ABHD3: variants seen among roughly 807,000 people sequenced by gnomAD.
The protein encoded by ABHD3 is abhydrolase domain containing 3, phospholipase.
Under a neutral mutation model 48.8 loss-of-function variants are expected in ABHD3, and 46 were observed. The ratio of observed to expected loss-of-function variants is 0.94; its 90% CI spans 0.74 to 1.20. ABHD3 has a LOEUF of 1.20. Among genes scored for constraint, ABHD3 ranks in the 50% most tolerant of loss-of-function variants. ABHD3 has a pLI of 0.00. For synonymous variants in ABHD3, 192 were observed against 183.7 expected, an observed-to-expected ratio of 1.04 and a Z score of -0.36; for missense variants, 490 against 497.8, an observed-to-expected ratio of 0.98 and a Z score of 0.15.
At chr18:21,655,973 A>G (rs1408653699) in intron 8 of ABHD3, among the ~76,000 whole-genome samples, 1 of 150,612 alleles carries the variant, frequency 6.6e-6, no homozygotes, top group Non-Finnish European at 1.5e-5. Context: ...CCTGGCCAAT[A>G]TGGTGAAACC....
At chr18:21,701,314 A>C in intron 3 of ABHD3, 1 of 151,856 alleles carries the variant, frequency 6.6e-6, no homozygotes, top group East Asian at 1.9e-4. Flanking sequence ...CCCGGGCTCA[A>C]CTGATCGTCC....
chr18:21,670,783 G>A (rs2039739758), intron 4 of ABHD3, among the ~76,000 whole-genome samples: 1 of 152,164 alleles, frequency 6.6e-6, no homozygotes, highest in Non-Finnish European at 1.5e-5. Flanking sequence ...GGGAGGCTGA[G>A]GAGGGTGGAT....
intron 2 of ABHD3, among the ~76,000 whole-genome samples, chr18:21,703,224 C>CG (rs1426055932): frequency 7.7e-6 from 1 of 129,442 alleles, no homozygotes; most frequent in Non-Finnish European, 1.7e-5. Context: ...CCCCACCCCC[C>CG]CCCCCAGTAT....
At chr18:21,664,744 C>T (rs939287005) in intron 4 of ABHD3, among the ~76,000 whole-genome samples, 1 of 151,866 alleles carries the variant, frequency 6.6e-6, no homozygotes, top group Non-Finnish European at 1.5e-5. Context: ...AATCCTCTGA[C>T]CTTAAACTCC....
chr18:21,692,423 G>T (rs1392215189), intron 3 of ABHD3, among the ~76,000 whole-genome samples: 1 of 152,214 alleles, frequency 6.6e-6, no homozygotes, highest in Non-Finnish European at 1.5e-5. Context: ...GGCCTATCAT[G>T]TGGCAGGCAC....
intron 3 of ABHD3, among the ~76,000 whole-genome samples, chr18:21,697,781 T>G (rs1253652119): frequency 2.0e-5 from 3 of 152,208 alleles, no homozygotes; most frequent in Non-Finnish European, 2.9e-5. Context: ...GAATTTTGAA[T>G]TAGTGCACCT....
chr18:21,666,037 A>G (rs2039617333), intron 4 of ABHD3, among the ~76,000 whole-genome samples: 1 of 150,976 alleles, frequency 6.6e-6, no homozygotes. Context: ...TTTTTATTTT[A>G]TTTATTTTTT....
At chr18:21,654,404 T>C (rs2039298588) in intron 8 of ABHD3, among the ~76,000 whole-genome samples, 1 of 152,080 alleles carries the variant, frequency 6.6e-6, no homozygotes, top group Non-Finnish European at 1.5e-5. Flanking sequence ...TAGACAGTGC[T>C]CTAAATTTGA....
intron 4 of ABHD3, among the ~76,000 whole-genome samples, chr18:21,670,540 T>C (rs1009839810): frequency 1.6e-4 from 25 of 152,196 alleles, no homozygotes; most frequent in Non-Finnish European, 2.8e-4. Context: ...CTTTCCACAA[T>C]ATGACGCCGA....
At chr18:21,652,730 ACAC>A (rs2039253540) in intron 8 of ABHD3, among the ~76,000 whole-genome samples, 1 of 149,818 alleles carries the variant, frequency 6.7e-6, no homozygotes, top group South Asian at 2.1e-4. Context: ...AGCCGAGATC[ACAC>A]CTTTGTACTC....
At position 21,702,352 on chromosome 18, in the gene ABHD3, A is replaced by C; in HGVS notation, c.473T>G (p.Leu158Arg). ...LTGTSKESYILHMIHLSEELG... is the reference protein window; with the variant it reads ...LTGTSKESYIRHMIHLSEELG... The stretch of plus-strand genomic sequence containing the variant: ...TTCTTCACTAAGATGGATCATATGA[A>C]GGATATATGACTCCTTGCTTGTTCC... The change falls in exon 3 of 9, where the codon CTT becomes CGT. Residue 158 changes from leucine to arginine, a missense_variant. Transcript: ENST00000289119. 6.2e-7 allele frequency: 1 copy of C among 1,607,898 alleles called. No individual in the cohort carries two copies. The highest frequency in any genetic ancestry group is 8.5e-7 in the Non-Finnish European group (1 of 1,177,394).
chr18:21,694,602 A>G (rs2040326619), intron 3 of ABHD3, among the ~76,000 whole-genome samples: 1 of 152,208 alleles, frequency 6.6e-6, no homozygotes, highest in Admixed American at 6.5e-5. Context: ...ACAGTAAGAA[A>G]TGTCTTAAAA....
At chr18:21,658,068 G>C (rs1849407953) in intron 6 of ABHD3, among the ~76,000 whole-genome samples, 1 of 151,774 alleles carries the variant, frequency 6.6e-6, no homozygotes, top group African/African-American at 2.4e-5. Flanking sequence ...GTGGTGGTAT[G>C]TGCCTGTAGT....
Position 21,657,139 on chromosome 18 carries a change from A to ACATATGTC in ABHD3, c.848_855dup (p.Phe286AspfsTer5). The ACATATGTC allele has an allele frequency of 1.9e-6, 3 of 1,609,570 alleles. No individual in the cohort carries two copies. Among genetic ancestry groups the ACATATGTC allele is most frequent in the Non-Finnish European group, 2.5e-6 (3 of 1,177,656 alleles). On this transcript the variant is annotated frameshift_variant, in exon 7 of 9. Coordinates refer to ENST00000289119, the MANE Select transcript of ABHD3 (RefSeq NM_138340.5). LOFTEE classifies it high-confidence loss of function. ...TGATCCATATCAACTTGTTTTACAAACATATGTCGGTGCCTGGAACAAAAG... is the reference window on the plus strand; with the variant it reads ...TGATCCATATCAACTTGTTTTACAAACATATGTCCATATGTCGGTGCCTGGAACAAAAG...
chr18:21,671,057 T>G (rs117273306), intron 4 of ABHD3, among the ~76,000 whole-genome samples: 3,062 of 152,206 alleles, frequency 0.02, 46 homozygotes, highest in Non-Finnish European at 0.032. Context: ...TTGGCCCCTG[T>G]CCTTTAGGAC....
chr18:21,683,859 G>T, intron 4 of ABHD3, 61 bp downstream of exon 4: 1 of 1,431,950 alleles, frequency 7.0e-7, no homozygotes, highest in Non-Finnish European at 9.5e-7. Context: ...TATGCTTTTT[G>T]TTATAAAACT....
chr18:21,663,747 G>A (rs1381789564), intron 5 of ABHD3: 2 of 1,535,568 alleles, frequency 1.3e-6, no homozygotes, highest in East Asian at 4.9e-5. Context: ...TGTAACTGGA[G>A]TGATGAAAGT....
chr18:21,688,660 T>C (rs1218909457), intron 3 of ABHD3, among the ~76,000 whole-genome samples: 1 of 152,160 alleles, frequency 6.6e-6, no homozygotes, highest in Non-Finnish European at 1.5e-5. Flanking sequence ...TAGGATTCAA[T>C]GTCCAAGGAG....
At chr18:21,676,539 C>A (rs1362390077) in intron 4 of ABHD3, among the ~76,000 whole-genome samples, 1 of 152,124 alleles carries the variant, frequency 6.6e-6, no homozygotes, top group Non-Finnish European at 1.5e-5. Context: ...TACAGGCATG[C>A]GCCACCACAC....
Sources: allele counts gnomAD v4.1 joint callset (sites outside exome capture counted in the v4.1 genomes callset), GRCh38; gene constraint gnomAD v4.1.1; transcripts MANE v1.5; gene names NCBI Gene and HGNC (gene_info 2026-07-23, HGNC 2026-07-21).